The following POM121 variants were observed in gnomAD, a reference collection of about 807,000 sequenced individuals.
POM121 encodes POM121 transmembrane nucleoporin.
A neutral mutation model predicts 81.3 loss-of-function variants in POM121; 32 were observed. That is an observed-to-expected ratio of 0.39 (90% CI 0.30 to 0.53). The LOEUF (loss-of-function observed/expected upper bound fraction) is 0.53. Ranked by LOEUF, POM121 falls within the 20% of genes least tolerant of loss-of-function variation. POM121 has a pLI of 0.66. For missense variants in POM121, 1,138 were observed against 1,614.6 expected, an observed-to-expected ratio of 0.70 and a Z score of 5.06; for synonymous variants, 514 against 694.2, an observed-to-expected ratio of 0.74 and a Z score of 4.08.
chr7:72,901,202 CT>C (rs1338385739), intron 3 of POM121, among the ~76,000 whole-genome samples: 3 of 150,208 alleles, frequency 2.0e-5, no homozygotes, highest in African/African-American at 7.3e-5. Flanking sequence ...AGTCACGCAC[CT>C]TTTTTTCTTT....
intron 5 of POM121, among the ~76,000 whole-genome samples, chr7:72,937,862 T>G (rs1233698872): frequency 3.9e-5 from 6 of 152,222 alleles, no homozygotes; most frequent in Non-Finnish European, 7.3e-5. Context: ...AATCATCACA[T>G]GATGATAAAT....
chr7:72,920,345 C>CTTTTT (rs781909518), upstream of POM121, among the ~76,000 whole-genome samples: 6 of 112,548 alleles, frequency 5.3e-5, no homozygotes, highest in African/African-American at 1.0e-4. Context: ...GAGTAATGGT[C>CTTTTT]TTTTTTTTTT....
At chr7:72,892,789 C>G (rs186907901) in intron 3 of POM121, among the ~76,000 whole-genome samples, 1,776 of 152,148 alleles carry the variant, frequency 0.012, 31 homozygotes, top group African/African-American at 0.04. Context: ...CCTCAGCCTC[C>G]CAAAGTAGCT....
At chr7:72,891,622 G>T (rs1261331898) in intron 3 of POM121, among the ~76,000 whole-genome samples, 1 of 152,170 alleles carries the variant, frequency 6.6e-6, no homozygotes. Flanking sequence ...GGCCATGCTG[G>T]TCTTGAACTC....
chr7:72,937,790 G>T (rs1311742564), intron 5 of POM121, among the ~76,000 whole-genome samples: 3 of 152,204 alleles, frequency 2.0e-5, no homozygotes, highest in African/African-American at 7.2e-5. Context: ...GGAGGAAGCA[G>T]AGATGAAAAC....
intron 4 of POM121, among the ~76,000 whole-genome samples, chr7:72,916,924 C>T (rs1328366199): frequency 3.3e-5 from 5 of 152,146 alleles, no homozygotes; most frequent in African/African-American, 9.7e-5. Context: ...CTAAGTCCAA[C>T]GTCTGGGCTT....
intron 5 of POM121, among the ~76,000 whole-genome samples, chr7:72,931,039 G>A (rs1441909684): frequency 6.6e-6 from 1 of 152,132 alleles, no homozygotes; most frequent in Non-Finnish European, 1.5e-5. Flanking sequence ...ATGGAGAAAT[G>A]TTTTTGAGAG....
chr7:72,949,102 C>G (rs1797910656), downstream of POM121: 1 of 1,606,168 alleles, frequency 6.2e-7, no homozygotes, highest in Non-Finnish European at 8.5e-7. Flanking sequence ...GCTCGGCATA[C>G]CTAAGGAAAA....
downstream of POM121, chr7:72,948,858 C>A: frequency 1.3e-6 from 2 of 1,574,582 alleles, no homozygotes; most frequent in South Asian, 1.1e-5. Flanking sequence ...TTCACCCCAT[C>A]CCCCCCTCCA....
chr7:72,889,375 TG>T (rs1339780504), intron 1 of POM121, among the ~76,000 whole-genome samples: 1 of 152,280 alleles, frequency 6.6e-6, no homozygotes, highest in Non-Finnish European at 1.5e-5. Flanking sequence ...AACAGGATAA[TG>T]CAACATGCTT....
At chr7:72,938,781 A>G in intron 6 of POM121, 100 bp downstream of exon 6, 2 of 1,370,420 alleles carry the variant, frequency 1.5e-6, no homozygotes, top group East Asian at 2.3e-5. Context: ...TGCTGCTGTG[A>G]CTTGGAGAAT....
chr7:72,948,700 G>A (rs565190983), downstream of POM121: 145 of 1,588,704 alleles, frequency 9.1e-5, 1 homozygote, highest in South Asian at 1.3e-3. Context: ...TTACAGCAAC[G>A]AAGAAGCCAC....
At chr7:72,904,970 G>A (rs1204722919) in intron 3 of POM121, among the ~76,000 whole-genome samples, 4 of 152,196 alleles carry the variant, frequency 2.6e-5, no homozygotes, top group African/African-American at 7.2e-5. Context: ...AACCGCGCCC[G>A]TGATCCAATC....
downstream of POM121, chr7:72,948,395 A>G (rs1797846362): frequency 1.2e-6 from 2 of 1,613,144 alleles, no homozygotes; most frequent in Non-Finnish European, 1.7e-6. Context: ...CAAAACGCAA[A>G]CTGCTGCCTG....
chr7:72,950,280 T>C (rs1797968888), downstream of POM121: 3 of 1,158,350 alleles, frequency 2.6e-6, no homozygotes, highest in South Asian at 3.1e-5. Flanking sequence ...ATGCAACAAA[T>C]GTTACCACAG....
intron 3 of POM121, among the ~76,000 whole-genome samples, chr7:72,913,023 T>G (rs1490808683): frequency 2.0e-5 from 3 of 152,226 alleles, no homozygotes; most frequent in African/African-American, 7.2e-5. Context: ...TTGTCTTATC[T>G]ATTATTTAGT....
downstream of POM121, chr7:72,949,495 G>C (rs782707503): frequency 6.9e-7 from 1 of 1,439,222 alleles, no homozygotes; most frequent in Non-Finnish European, 9.8e-7. Context: ...GATCTTCCTA[G>C]GGCAGAGGGC....
intron 3 of POM121, among the ~76,000 whole-genome samples, chr7:72,898,889 A>G (rs1243910101): frequency 1.3e-5 from 2 of 149,352 alleles, no homozygotes; most frequent in African/African-American, 2.5e-5. Flanking sequence ...AAGGCGTTGT[A>G]TAGTTTGTCT....
intron 1 of POM121, among the ~76,000 whole-genome samples, chr7:72,889,109 A>G (rs1238611397): frequency 6.6e-6 from 1 of 152,118 alleles, no homozygotes; most frequent in African/African-American, 2.4e-5. Flanking sequence ...ATGTAATTTT[A>G]TGTTATTTAT....
Sources: allele counts gnomAD v4.1 joint callset (sites outside exome capture counted in the v4.1 genomes callset), GRCh38; gene constraint gnomAD v4.1.1; transcripts MANE v1.5; gene names NCBI Gene and HGNC (gene_info 2026-07-23, HGNC 2026-07-21).